Variants in UFSP2 observed in about 807,000 individuals in gnomAD.
UFSP2 encodes the protein UFM1 specific peptidase 2.
In UFSP2, 43 loss-of-function variants were observed where a neutral mutation model predicts 60.2. The observed-to-expected ratio is 0.71, with a 90% CI of 0.56 to 0.92. The LOEUF is 0.92. Ranked by LOEUF, UFSP2 falls within the 40% of genes least tolerant of loss-of-function variation. The probability of loss-of-function intolerance (pLI) is 0.00; values close to 1 mark genes in which losing one functional copy is unlikely to be tolerated. For synonymous variants in UFSP2, 183 were observed against 195.1 expected (o/e 0.94, Z 0.52); for missense variants, 520 against 575.0 (o/e 0.90, Z 0.98).
Position 185,418,699 on chromosome 4 carries a change from CA to C in UFSP2, c.153del (p.Val52CysfsTer17). ...DLSTKLSSNA[L>X]VFRICHSSVY... ...ACTGAACTGTGGCAAATTCTGAACA[CA>C]AGGGCGTTTGAAGACAGCTTAGTTG... On this transcript the variant is annotated frameshift_variant, in exon 3 of 12. Transcript: ENST00000264689. LOFTEE classifies it high-confidence loss of function. The C allele has an allele frequency of 6.2e-7, 1 of 1,613,938 alleles. No individual in the cohort carries two copies. The highest frequency in any genetic ancestry group is 1.1e-5 in the South Asian group (1 of 91,042).
At position 185,415,857 on chromosome 4, in the gene UFSP2, A is replaced by T. The variant is rs142500730; in HGVS notation, c.344T>A (p.Val115Glu). 7.1e-5 allele frequency: 115 copies of T among 1,612,568 alleles called. No individual in the cohort carries two copies. The South Asian group carries it at 8.5e-4, about 12-fold the overall frequency. The change falls in exon 5 of 12, where the codon GTA becomes GAA. Residue 115 changes from valine to glutamate, a missense_variant. By Grantham distance (121) the Val-to-Glu change is moderately radical. Transcript: ENST00000264689. Reference protein sequence around the residue: ...DKKLSDMHQIVNIDLMLEMST... With the variant: ...DKKLSDMHQIENIDLMLEMST... ...CATTTCCAGCATAAGATCTATATTT[A>T]CTATTTGATGCTATATAGATAAACA...
intron 6 of UFSP2, among the ~76,000 whole-genome samples, chr4:185,414,566 C>T: frequency 6.6e-6 from 1 of 152,138 alleles, no homozygotes; most frequent in Non-Finnish European, 1.5e-5. Context: ...TCCCTAAGGA[C>T]AGAAATTAGG....
chr4:185,399,971 T>G lies in UFSP2; in HGVS notation c.*421A>C. 6.3e-7 allele frequency: 1 copy of G among 1,593,154 alleles called. No individual in the cohort carries two copies. The highest frequency in any genetic ancestry group is 8.5e-7 in the Non-Finnish European group (1 of 1,173,586). On this transcript the variant is annotated 3_prime_UTR_variant, in exon 12 of 12. Coordinates refer to ENST00000264689, the MANE Select transcript of UFSP2 (RefSeq NM_018359.5). Reference sequence around the variant, plus strand: ...CATGGTGGAAGTTTGGGGATAAAACTCTTTTTAAAAAAAAGTTTTTAATGT... The same window carrying G: ...CATGGTGGAAGTTTGGGGATAAAACGCTTTTTAAAAAAAAGTTTTTAATGT...
At chr4:185,407,235 G>A (rs1461939303) in intron 9 of UFSP2, among the ~76,000 whole-genome samples, 2 of 151,200 alleles carry the variant, frequency 1.3e-5, no homozygotes, top group Admixed American at 6.6e-5. Flanking sequence ...TGTATTTTTA[G>A]TAGAGACAGG....
chr4:185,412,361 C>T (rs2095530833), intron 7 of UFSP2, among the ~76,000 whole-genome samples: 2 of 152,216 alleles, frequency 1.3e-5, no homozygotes, highest in African/African-American at 4.8e-5. Flanking sequence ...GATCTGCTGC[C>T]CTGAGTACAC....
In UFSP2 at chr4:185,415,820, C is replaced by T; in HGVS notation, c.381G>A (p.Leu127=). The T allele has an allele frequency of 1.2e-6, 2 of 1,613,678 alleles. No individual in the cohort carries two copies. Among genetic ancestry groups the T allele is most frequent in the East Asian group, 2.2e-5 (1 of 44,866 alleles). Residue 127 remains leucine, a synonymous_variant, in exon 5 of 12, where the codon CTG becomes CTA. Transcript: ENST00000264689. Reference sequence around the variant, plus strand: ...TTTCAATGATGGGCGTTACAGCTGCCAGGGAGGTTGACATTTCCAGCATAA... The same window carrying T: ...TTTCAATGATGGGCGTTACAGCTGCTAGGGAGGTTGACATTTCCAGCATAA... ...IDLMLEMSTS[L]AAVTPIIERE...
rs540240384 is a variant in UFSP2, at chr4:185,402,569, G to A, written c.1323+925C>T. ...CAGCTCACTGCAACCTCTGCCTCCC[G>A]GGTTCAAGTGATTCCCCTGCCTCAG... On this transcript the variant is annotated intron_variant, in intron 11 of 11. Transcript: ENST00000264689. Among the ~76,000 whole-genome samples the A allele has an allele frequency of 5.3e-5, 8 of 152,164 alleles. No individual in the cohort carries two copies. In the East Asian group the frequency reaches 5.8e-4, roughly 11 times the overall value.
intron 1 of UFSP2, among the ~76,000 whole-genome samples, chr4:185,423,639 T>G (rs1302158272): frequency 1.3e-5 from 2 of 152,194 alleles, no homozygotes; most frequent in Non-Finnish European, 2.9e-5. Flanking sequence ...GGACAATGCT[T>G]ACAACTTATA....
chr4:185,415,811 T>C lies in UFSP2; in HGVS notation c.390A>G (p.Val130=). The C allele has an allele frequency of 6.2e-7, 1 of 1,613,838 alleles. No homozygotes were observed. The highest frequency in any genetic ancestry group is 8.5e-7 in the Non-Finnish European group (1 of 1,179,748). The part of the protein sequence containing the change: ...MLEMSTSLAA[V]TPIIERESGG... ...CGCTTTCCCTTTCAATGATGGGCGT[T>C]ACAGCTGCCAGGGAGGTTGACATTT... is the stretch of plus-strand genomic sequence containing the variant. The change falls in exon 5 of 12, where the codon GTA becomes GTG. Residue 130 remains valine (V), a synonymous_variant. Coordinates refer to ENST00000264689, the MANE Select transcript of UFSP2 (RefSeq NM_018359.5).
At chr4:185,400,980 G>A (rs1270809265) in intron 11 of UFSP2, among the ~76,000 whole-genome samples, 1 of 152,154 alleles carries the variant, frequency 6.6e-6, no homozygotes, top group Non-Finnish European at 1.5e-5. Flanking sequence ...TTTCATGTCA[G>A]TATTAATCCT....
intron 10 of UFSP2, among the ~76,000 whole-genome samples, chr4:185,404,940 T>G (rs150713785): frequency 6.6e-6 from 1 of 151,740 alleles, no homozygotes; most frequent in Non-Finnish European, 1.5e-5. Flanking sequence ...CGTGAGCTAC[T>G]GGGCCCGGCC....
intron 2 of UFSP2, among the ~76,000 whole-genome samples, chr4:185,420,866 G>C (rs1281301637): frequency 1.3e-5 from 2 of 152,014 alleles, no homozygotes; most frequent in Non-Finnish European, 2.9e-5. Flanking sequence ...TTAATTACTA[G>C]GTAAAAAGTA....
chr4:185,411,395 CCTAA>C (rs1357515419), intron 7 of UFSP2, among the ~76,000 whole-genome samples: 3 of 151,878 alleles, frequency 2.0e-5, no homozygotes, highest in Admixed American at 6.6e-5. Context: ...GGAACATTAA[CCTAA>C]CTAATTTAGT....
rs1292367401 is a variant in UFSP2 at position 185,403,551 on chromosome 4, A to G, written c.1266T>C (p.Phe422=). 1.9e-6 allele frequency: 3 copies of G among 1,614,086 alleles called. No homozygotes were observed. The Admixed American group carries it at 5.0e-5, about 27-fold the overall frequency. ...CGGTATAATGTGGATCTAGAATCAG[A>G]AACTTTATCTGCCCTGTAATCTCAT... is the stretch of plus-strand genomic sequence containing the variant. The part of the protein sequence containing the change: ...AWNEITGQIK[F]LILDPHYTGA... Residue 422 remains phenylalanine (F), a synonymous_variant, in exon 11 of 12, where the codon TTT becomes TTC. Transcript: ENST00000264689.
intron 9 of UFSP2, among the ~76,000 whole-genome samples, chr4:185,406,523 A>T (rs2126880696): frequency 6.6e-6 from 1 of 152,280 alleles, no homozygotes; most frequent in East Asian, 1.9e-4. Flanking sequence ...TTAATGTACC[A>T]AAACTGTAAC....
rs1315984154 is a variant in UFSP2, at chr4:185,417,783, C to T, written c.333+658G>A. ...AACCAGCCGGGCGCGGTGGCTCACA[C>T]CTGTAATCCCAGCACTTTGGGAGCC... On this transcript the variant is annotated intron_variant, in intron 4 of 11. Transcript: ENST00000264689. Among the ~76,000 whole-genome samples the T allele has an allele frequency of 2.6e-5, 4 of 152,274 alleles. No homozygotes were observed. In the East Asian group the frequency reaches 5.8e-4, roughly 22 times the overall value.
chr4:185,407,776 A>T (rs916450590), intron 9 of UFSP2, among the ~76,000 whole-genome samples, 160 bp downstream of exon 9: 4 of 152,206 alleles, frequency 2.6e-5, no homozygotes, highest in African/African-American at 9.6e-5. Flanking sequence ...ATGAAAAAAA[A>T]TTAAGATTAA....
intron 4 of UFSP2, among the ~76,000 whole-genome samples, chr4:185,416,738 A>G (rs1467546987): frequency 1.3e-5 from 2 of 152,200 alleles, no homozygotes; most frequent in Non-Finnish European, 2.9e-5. Flanking sequence ...CAAAATTACA[A>G]TGTTAGAAAG....
intron 6 of UFSP2, among the ~76,000 whole-genome samples, chr4:185,414,764 A>G (rs1447814541): frequency 1.3e-5 from 2 of 152,220 alleles, no homozygotes; most frequent in African/African-American, 2.4e-5. Context: ...CAGAATTAGC[A>G]TAAGTTATCA....
Sources: gnomAD v4.1 joint callset for allele counts (sites outside exome capture counted in the v4.1 genomes callset) on GRCh38, gnomAD v4.1.1 for gene constraint, MANE v1.5 for transcripts, NCBI Gene and HGNC (gene_info 2026-07-23, HGNC 2026-07-21) for gene names.